Variants in ABCA1 observed in about 807,000 individuals in gnomAD.
ABCA1 encodes phospholipid-transporting ATPase ABCA1.
ABCA1 carries 133 observed loss-of-function variants against 262.5 expected under a neutral mutation model. The ratio of observed to expected loss-of-function variants is 0.51; its 90% confidence interval spans 0.44 to 0.59. The LOEUF is 0.59. ABCA1 is among the 20% of genes least tolerant of loss of function. The probability of loss-of-function intolerance (pLI) is 0.00; values close to 1 mark genes in which losing one functional copy is unlikely to be tolerated. For synonymous variants in ABCA1, 1,022 were observed against 1,043.5 expected (o/e 0.98, Z 0.40); for missense variants, 2,452 against 2,777.5 (o/e 0.88, Z 2.63).
chr9:104,904,106 C>T, intron 1 of ABCA1, among the ~76,000 whole-genome samples: 1 of 152,208 alleles, frequency 6.6e-6, no homozygotes, highest in Admixed American at 6.5e-5. Context: ...AAATGGCATA[C>T]TGGAATCCCA....
At chr9:104,841,646 C>T (rs1394606855) in intron 8 of ABCA1, among the ~76,000 whole-genome samples, 1 of 151,508 alleles carries the variant, frequency 6.6e-6, no homozygotes, top group African/African-American at 2.4e-5. Flanking sequence ...GGACACTGCC[C>T]TCTACTCATC....
intron 5 of ABCA1, 79 bp from the exon 6 acceptor site, chr9:104,861,879 A>G: frequency 1.5e-6 from 2 of 1,303,990 alleles, no homozygotes; most frequent in Non-Finnish European, 2.2e-6. Context: ...GGGACAGTGG[A>G]GAAACGTTAT....
chr9:104,908,781 C>T (rs1035086322), intron 1 of ABCA1, among the ~76,000 whole-genome samples: 1 of 152,130 alleles, frequency 6.6e-6, no homozygotes. Context: ...ATAAGCCAGA[C>T]ACAAAAAACT....
At chr9:104,876,293 C>T (rs1478927638) in intron 5 of ABCA1, among the ~76,000 whole-genome samples, 2 of 152,116 alleles carry the variant, frequency 1.3e-5, no homozygotes, top group Admixed American at 6.5e-5. Flanking sequence ...AGTGTGGAAA[C>T]GGGGAACAGA....
chr9:104,833,944 C>T (rs1010969673), intron 11 of ABCA1, among the ~76,000 whole-genome samples: 1 of 131,834 alleles, frequency 7.6e-6, no homozygotes, highest in Non-Finnish European at 1.7e-5. Flanking sequence ...CAGCTGCAAA[C>T]TCAGCAAAAA....
chr9:104,897,289 T>C (rs1840308713), intron 2 of ABCA1, among the ~76,000 whole-genome samples: 1 of 152,188 alleles, frequency 6.6e-6, no homozygotes, highest in African/African-American at 2.4e-5. Flanking sequence ...CATGCATTGA[T>C]GGTGGCTATT....
At chr9:104,800,697 C>A in intron 34 of ABCA1, 113 bp from the exon 35 acceptor site, 1 of 900,206 alleles carries the variant, frequency 1.1e-6, no homozygotes, top group East Asian at 2.4e-5. Context: ...ATGCCACTAC[C>A]TTGTTCACTG....
chr9:104,812,568 T>G lies in ABCA1; in HGVS notation c.4050+6A>C. The G allele has an allele frequency of 6.2e-7, 1 of 1,614,136 alleles. No individual in the cohort carries two copies. The highest frequency in any genetic ancestry group is 1.7e-5 in the Admixed American group (1 of 60,016). On this transcript the variant is annotated splice_donor_region_variant and intron_variant, in intron 28 of 49. Coordinates refer to ENST00000374736, the MANE Select transcript of ABCA1 (RefSeq NM_005502.4). Reference sequence around the variant, plus strand: ...CAGAGTCTCTGGCGAAAACAGCACGTCTCACCTGAGCAAAAAATCCTTTCC... The same window carrying G: ...CAGAGTCTCTGGCGAAAACAGCACGGCTCACCTGAGCAAAAAATCCTTTCC...
intron 1 of ABCA1, among the ~76,000 whole-genome samples, chr9:104,924,869 C>G (rs1350820806): frequency 6.6e-6 from 1 of 152,094 alleles, no homozygotes; most frequent in East Asian, 1.9e-4. Context: ...GGAAAAATAT[C>G]CCAACCAACT....
Position 104,817,142 on chromosome 9 carries a change from C to T in ABCA1, c.3535+190G>A, listed in dbSNP as rs761081323. The T allele has an allele frequency of 4.0e-5, 37 of 927,768 alleles. No homozygotes were observed. Among genetic ancestry groups the T allele is most frequent in the Middle Eastern group, 5.5e-4 (1 of 1,834 alleles). The allele number at this position is 927,768 out of a possible 1,614,324, so 57.5% of individuals were successfully genotyped here. On this transcript the variant is annotated intron_variant, in intron 24 of 49. Transcript: ENST00000374736. This position sits in a 1 kb window ranked among gnomAD's most constrained non-coding sequence, Gnocchi z 4.7. ...CCCTGCTAGCTCCCAAACCGAGCCC[C>T]AGGCACCCCAGCAAGCATTAGGCCA...
At chr9:104,837,344 C>G in intron 10 of ABCA1, 84 bp downstream of exon 10, 1 of 1,569,772 alleles carries the variant, frequency 6.4e-7, no homozygotes. Context: ...ATACTTAGCG[C>G]ACACCTCTGA....
intron 6 of ABCA1, 192 bp downstream of exon 6, chr9:104,861,487 T>G: frequency 1.4e-6 from 1 of 706,090 alleles, no homozygotes. Flanking sequence ...GACGCCAGGT[T>G]GCATATTCCA....
At chr9:104,875,071 T>C (rs999246143) in intron 5 of ABCA1, among the ~76,000 whole-genome samples, 2 of 151,810 alleles carry the variant, frequency 1.3e-5, no homozygotes, top group African/African-American at 2.4e-5. Flanking sequence ...GGGGAAAAGA[T>C]AGAGAAATCA....
Position 104,788,047 on chromosome 9 carries a change from T to C in ABCA1, c.6077A>G (p.Glu2026Gly), listed in dbSNP as rs576153555. ...VPEKEVGKVGEWAIRKLGLVK... is the reference protein window; with the variant it reads ...VPEKEVGKVGGWAIRKLGLVK... ...GAGGCCCAGTTTCCGAATCGCCCAC[T>C]CACCAACCTACAGTGATAAAAAGCA... is the stretch of plus-strand genomic sequence containing the variant. The change falls in exon 46 of 50, where the codon GAG (glutamate) becomes GGG (glycine). Residue 2026 changes from glutamate to glycine, a missense_variant. Glu to Gly is a moderately conservative substitution (Grantham distance 98). Transcript: ENST00000374736. The C allele has an allele frequency of 6.2e-6, 10 of 1,614,182 alleles. No homozygotes were observed. The South Asian group carries it at 1.1e-4, about 18-fold the overall frequency.
intron 30 of ABCA1, among the ~76,000 whole-genome samples, chr9:104,808,695 T>A (rs910746323): frequency 6.6e-6 from 1 of 152,232 alleles, no homozygotes; most frequent in African/African-American, 2.4e-5. Flanking sequence ...TATCTTCCCA[T>A]TGAAACTTGA....
chr9:104,796,360 T>C lies in ABCA1; in HGVS notation c.5186A>G (p.Tyr1729Cys), dbSNP rs1031414688. The C allele has an allele frequency of 6.2e-7, 1 of 1,614,054 alleles. No individual in the cohort carries two copies. The highest frequency in any genetic ancestry group is 8.5e-7 in the Non-Finnish European group (1 of 1,180,036). Residue 1729 changes from tyrosine (Y) to cysteine (C), a missense_variant, in exon 38 of 50, where the codon TAT becomes TGT. Tyr to Cys is a radical substitution (Grantham distance 194). This residue lies in a region of ABCA1 where 752 missense variants were observed against 944.5 expected (regional missense o/e 0.80). Transcript: ENST00000374736. ...IIFICFQQKS[Y>C]VSSTNLPVLA... ...CACAGGCAGATTGGTGGAGGACACA[T>C]AGGACTTCTGCTGGAAGCAGATGAA... is the stretch of plus-strand genomic sequence containing the variant.
In ABCA1 at chr9:104,791,788, C is replaced by T. The variant is rs2066720; in HGVS notation, c.5820+148G>A. 129,792 of 736,942 alleles carry T rather than the reference C, an allele frequency of 0.18. 16,802 individuals carry two copies. The highest frequency in any genetic ancestry group is 0.5 in the African/African-American group (28,509 of 57,080). The allele number at this position is 736,942 out of a possible 1,614,324, so 45.7% of individuals were successfully genotyped here. On this transcript the variant is annotated intron_variant, in intron 43 of 49. Transcript: ENST00000374736. The stretch of plus-strand genomic sequence containing the variant: ...CATTCTCTTGACATACAGGGTCCCT[C>T]TCTTCTCGATGACTAATTGCTCCAT...
chr9:104,784,423 A>G lies in ABCA1; in HGVS notation c.6678T>C (p.Asp2226=). 1.2e-6 allele frequency: 2 copies of G among 1,614,144 alleles called. No individual in the cohort carries two copies. The highest frequency in any genetic ancestry group is 2.2e-5 in the East Asian group (1 of 44,860). ...ATGAGAGGTCTTTTAAGTGGTCATCATCACTTTGGTCCTTGGCAAAGTTCA... is the reference window on the plus strand; with the variant it reads ...ATGAGAGGTCTTTTAAGTGGTCATCGTCACTTTGGTCCTTGGCAAAGTTCA... ...VFVNFAKDQS[D]DDHLKDLSLH... The change falls in exon 50 of 50, where the codon GAT becomes GAC. Residue 2226 remains aspartate, a synonymous_variant. Coordinates refer to ENST00000374736, the MANE Select transcript of ABCA1 (RefSeq NM_005502.4).
At chr9:104,811,181 G>A (rs1222316039) in intron 28 of ABCA1, among the ~76,000 whole-genome samples, 1 of 152,264 alleles carries the variant, frequency 6.6e-6, no homozygotes, top group East Asian at 1.9e-4. Context: ...ACTAAGCCAA[G>A]AAGTTCACGA....
Sources: gnomAD v4.1 joint callset for allele counts (sites outside exome capture counted in the v4.1 genomes callset) on GRCh38, gnomAD v4.1.1 for gene constraint, gnomAD v4.1.1 regional missense constraint, Gnocchi (gnomAD v3.1) non-coding constraint, MANE v1.5 for transcripts, NCBI Gene and HGNC (gene_info 2026-07-23, HGNC 2026-07-21) for gene names.